The following ANO7 variants were observed in gnomAD, a reference collection of about 807,000 sequenced individuals.
ANO7 encodes anoctamin 7, also known as anoctamin-7.
In ANO7, 114 loss-of-function variants were observed where a neutral mutation model predicts 115.8. The ratio of observed to expected loss-of-function variants is 0.98; its 90% CI spans 0.85 to 1.15. ANO7 has a LOEUF of 1.15. ANO7 is among the 50% of genes most tolerant of loss of function. The pLI is 0.00. For synonymous variants in ANO7, 550 were observed against 498.2 expected (o/e 1.10, Z -1.38); for missense variants, 1,302 against 1,201.2 (o/e 1.08, Z -1.24).
chr2:241,224,765 T>G lies in ANO7; in HGVS notation c.*612T>G, dbSNP rs2069117739. ...TCTGTTTCTTGAATCAGGCTCTGCT[T>G]TCCCCCTAGCCACTACAGGCAGCCT... is the stretch of plus-strand genomic sequence containing the variant. On this transcript the variant is annotated 3_prime_UTR_variant, in exon 25 of 25. Coordinates refer to ENST00000674324, the MANE Select transcript of ANO7 (RefSeq NM_001370694.2). The G allele has an allele frequency of 6.6e-6, 1 of 152,644 alleles. No homozygotes were observed. The allele number at this position is 152,644 out of a possible 1,614,324, so 9.5% of individuals were successfully genotyped here. A position where few individuals can be genotyped will look rare whatever the true frequency, so the allele number is the denominator to read the frequency against.
intron 11 of ANO7, 119 bp from the exon 12 acceptor site, chr2:241,209,166 A>T: frequency 1.6e-6 from 2 of 1,252,904 alleles, no homozygotes; most frequent in Non-Finnish European, 2.1e-6. Flanking sequence ...CAAACAAAAA[A>T]TACACAGTCG....
the ANO7 span, chr2:241,230,987 G>GGA: frequency 6.4e-7 from 1 of 1,568,710 alleles, no homozygotes; most frequent in Non-Finnish European, 8.8e-7. This position sits in a 1 kb window ranked among gnomAD's most constrained non-coding sequence, Gnocchi z 5.0. Context: ...TGCCTTACTG[G>GGA]GATTCCCGTC....
At chr2:241,202,811 C>T (rs1449234050) in intron 8 of ANO7, among the ~76,000 whole-genome samples, 4 of 152,208 alleles carry the variant, frequency 2.6e-5, no homozygotes. Flanking sequence ...AGGGGAGGGG[C>T]CTTGCAGGCA....
chr2:241,209,213 G>C, intron 11 of ANO7, 72 bp from the exon 12 acceptor site: 2 of 1,470,970 alleles, frequency 1.4e-6, no homozygotes, highest in Non-Finnish European at 1.8e-6. Context: ...CATTCCAGGA[G>C]GAAGGAACAC....
downstream of ANO7, chr2:241,228,892 C>G (rs1300180831): frequency 6.5e-6 from 1 of 152,832 alleles, no homozygotes; most frequent in African/African-American, 2.4e-5. Flanking sequence ...TGGTGCCTAC[C>G]ACCTTGCCTC....
the ANO7 span, chr2:241,235,778 G>A: frequency 1.4e-5 from 8 of 573,144 alleles, no homozygotes; most frequent in Non-Finnish European, 2.5e-5. Flanking sequence ...TTTGCATTAG[G>A]CTAATGCTGG....
At chr2:241,236,983 G>GCA in the ANO7 span, among the ~76,000 whole-genome samples, 24 of 107,316 alleles carry the variant, frequency 2.2e-4, no homozygotes, top group Non-Finnish European at 3.4e-4. Flanking sequence ...ACCTTGGGGG[G>GCA]GGGGGGGGGG....
Position 241,212,169 on chromosome 2 carries a change from A to C in ANO7, c.1637A>C (p.Tyr546Ser). 6.2e-7 allele frequency: 1 copy of C among 1,613,724 alleles called. No homozygotes were observed. The highest frequency in any genetic ancestry group is 1.7e-5 in the Admixed American group (1 of 59,980). The change falls in exon 16 of 25, where the codon TAC becomes TCC. Residue 546 changes from tyrosine (Y) to serine (S), a missense_variant. Coordinates refer to ENST00000674324, the MANE Select transcript of ANO7 (RefSeq NM_001370694.2). ...TTCATCTTCCAGTTCGTCAACTTCT[A>C]CTCCTCACCCGTCTACATTGCCTTC... Reference protein sequence around the residue: ...KVFIFQFVNFYSSPVYIAFFK... With the variant: ...KVFIFQFVNFSSSPVYIAFFK...
intron 21 of ANO7, among the ~76,000 whole-genome samples, 162 bp downstream of exon 21, chr2:241,218,543 G>A (rs1316610677): frequency 6.6e-6 from 1 of 151,718 alleles, no homozygotes; most frequent in African/African-American, 2.4e-5. Context: ...GCAGGGGCTG[G>A]GGGGAGGTTC....
chr2:241,217,920 G>GGGGGCA (rs1376310493), intron 20 of ANO7, 29 bp downstream of exon 20: 1 of 1,232,272 alleles, frequency 8.1e-7, no homozygotes, highest in African/African-American at 2.0e-5. Context: ...CGCGGGGCGG[G>GGGGGCA]GCGGGGGCGC....
At chr2:241,215,067 C>G (rs1290570324) in intron 18 of ANO7, among the ~76,000 whole-genome samples, 165 bp downstream of exon 18, 1 of 152,170 alleles carries the variant, frequency 6.6e-6, no homozygotes, top group African/African-American at 2.4e-5. Context: ...GCCCCGGGCT[C>G]TGGGCTGCCC....
At chr2:241,205,485 CACAGGTGGACAGGAGTGCTCCCAGTCTG>C (rs1256621165) in intron 10 of ANO7, among the ~76,000 whole-genome samples, 2 of 143,844 alleles carry the variant, frequency 1.4e-5, no homozygotes, top group African/African-American at 2.6e-5. Flanking sequence ...CCAAGGCTGA[CACAGGTGGACAGGAGTGCTCCCAGTCTG>C]ACAGGTGGAC....
rs758691925 is a variant in ANO7 at position 241,214,832 on chromosome 2, C to T, written c.1756C>T (p.Leu586=). 2 of 1,612,450 alleles carry T rather than the reference C, an allele frequency of 1.2e-6. No individual in the cohort carries two copies. Among genetic ancestry groups the T allele is most frequent in the Non-Finnish European group, 1.7e-6 (2 of 1,179,946 alleles). ...ECAAGGCLIE[L]AQELLVIMVG... ...CGCGGCTGGAGGCTGCCTGATCGAGCTGGCACAGGAGCTCCTGGTCATCAT... is the reference window on the plus strand; with the variant it reads ...CGCGGCTGGAGGCTGCCTGATCGAGTTGGCACAGGAGCTCCTGGTCATCAT... The change falls in exon 18 of 25, where the codon CTG becomes TTG. Residue 586 remains leucine, a synonymous_variant. Coordinates refer to ENST00000674324, the MANE Select transcript of ANO7 (RefSeq NM_001370694.2).
chr2:241,190,558 G>A (rs4675825), intron 2 of ANO7, among the ~76,000 whole-genome samples: 72,271 of 152,194 alleles, frequency 0.47, 17,944 homozygotes, highest in East Asian at 0.69. Flanking sequence ...GGCCATGGAT[G>A]CGCTGTGAGC....
chr2:241,223,807 CCTCCCCCCAGCCCT>C (rs1164002085), intron 23 of ANO7, 26 bp downstream of exon 23: 13 of 1,614,032 alleles, frequency 8.1e-6, no homozygotes, highest in Non-Finnish European at 1.1e-5. Flanking sequence ...CAGTCTCGGC[CCTCCCCCCAGCCCT>C]CTCCCTATCC....
Position 241,188,957 on chromosome 2 carries a change from G to A in ANO7, c.-8+191G>A, listed in dbSNP as rs2068122020. Among the ~76,000 whole-genome samples, 1 of 152,228 alleles carries A rather than the reference G, an allele frequency of 6.6e-6. No individual in the cohort carries two copies. Among genetic ancestry groups the A allele is most frequent in the Non-Finnish European group, 1.5e-5 (1 of 68,028 alleles). On this transcript the variant is annotated intron_variant, in intron 1 of 24. Transcript: ENST00000674324. This position sits in a 1 kb window ranked among gnomAD's most constrained non-coding sequence, Gnocchi z 4.3. ...GGGACACACACTCAGTGCGGCTCTG[G>A]ACGGGGTACACCCAGCTGGGGTTGG... is the stretch of plus-strand genomic sequence containing the variant.
At chr2:241,198,944 T>A (rs957730532) in intron 4 of ANO7, among the ~76,000 whole-genome samples, 1 of 152,210 alleles carries the variant, frequency 6.6e-6, no homozygotes, top group African/African-American at 2.4e-5. Context: ...CGACGTTCGA[T>A]GTTGAAAACC....
Position 241,218,300 on chromosome 2 carries a change from C to G in ANO7, c.2240C>G (p.Ala747Gly). The G allele has an allele frequency of 2.0e-6, 3 of 1,535,734 alleles. No homozygotes were observed. The highest frequency in any genetic ancestry group is 2.6e-6 in the Non-Finnish European group (3 of 1,148,928). The change falls in exon 21 of 25, where the codon GCC (alanine) becomes GGC (glycine). Residue 747 changes from alanine (A) to glycine (G), a missense_variant. Physicochemically the swap from Ala to Gly is moderately conservative, Grantham distance 60. Coordinates refer to ENST00000674324, the MANE Select transcript of ANO7 (RefSeq NM_001370694.2). ...CGCGCCTACTACCGGTGGACCCGCG[C>G]CCACGACCTGCGCGGCTTCCTCAAC... ...LPRAYYRWTR[A>G]HDLRGFLNFT...
intron 21 of ANO7, among the ~76,000 whole-genome samples, chr2:241,221,872 G>A (rs1210971093): frequency 6.6e-6 from 1 of 151,872 alleles, no homozygotes; most frequent in Non-Finnish European, 1.5e-5. Context: ...AGAGACGGAG[G>A]TTTCACCATG....
Sources: gnomAD v4.1 joint callset for allele counts (sites outside exome capture counted in the v4.1 genomes callset) on GRCh38, gnomAD v4.1.1 for gene constraint, Gnocchi (gnomAD v3.1) non-coding constraint, MANE v1.5 for transcripts, NCBI Gene and HGNC (gene_info 2026-07-23, HGNC 2026-07-21) for gene names.